The following SLC47A1 variants were observed in gnomAD, a reference collection of about 807,000 sequenced individuals.
The protein encoded by SLC47A1 is solute carrier family 47 member 1.
Under a neutral mutation model 65.8 loss-of-function variants are expected in SLC47A1, and 58 were observed. The observed-to-expected ratio is 0.88, with a 90% CI of 0.71 to 1.10. SLC47A1 has a LOEUF of 1.10. Among genes scored for constraint, SLC47A1 ranks in the 50% least tolerant of loss-of-function variants. SLC47A1 has a pLI of 0.00. For synonymous variants in SLC47A1, 285 were observed against 295.0 expected (o/e 0.97, Z 0.35); for missense variants, 706 against 719.2 (o/e 0.98, Z 0.21).
At chr17:19,555,945 A>G in intron 9 of SLC47A1, 36 bp downstream of exon 9, 1 of 1,613,926 alleles carries the variant, frequency 6.2e-7, no homozygotes, top group African/African-American at 1.3e-5. Context: ...ACTGGTGGGA[A>G]CCTGGGGGCC....
chr17:19,572,764 G>T lies in SLC47A1; in HGVS notation c.1405-16G>T. Reference sequence around the variant, plus strand: ...ACACTATTGTGAAGCCTGATGGACTGAGTTTCATTTTCCAGGCTCAGGTAC... The same window carrying T: ...ACACTATTGTGAAGCCTGATGGACTTAGTTTCATTTTCCAGGCTCAGGTAC... On this transcript the variant is annotated splice_polypyrimidine_tract_variant and intron_variant, in intron 15 of 16. Transcript: ENST00000270570. 1 of 1,612,860 alleles carries T rather than the reference G, an allele frequency of 6.2e-7. No individual in the cohort carries two copies. The highest frequency in any genetic ancestry group is 1.1e-5 in the South Asian group (1 of 91,070).
chr17:19,551,535 C>G, intron 6 of SLC47A1, 67 bp downstream of exon 6: 1 of 1,416,098 alleles, frequency 7.1e-7, no homozygotes, highest in Non-Finnish European at 1.0e-6. Flanking sequence ...GAATGGGGGC[C>G]CTGAAGATAC....
At chr17:19,553,326 C>T (rs1025085005) in intron 6 of SLC47A1, among the ~76,000 whole-genome samples, 1 of 152,120 alleles carries the variant, frequency 6.6e-6, no homozygotes. Context: ...CACCTCTTCT[C>T]GTTCTCCCAC....
intron 3 of SLC47A1, 86 bp from the exon 4 acceptor site, chr17:19,547,899 T>C: frequency 2.1e-6 from 3 of 1,444,870 alleles, no homozygotes; most frequent in Non-Finnish European, 2.8e-6. Context: ...ACCTGCTTCT[T>C]TGTGTGGCAC....
At chr17:19,560,109 A>G (rs1024679049) in intron 10 of SLC47A1, 79 bp from the exon 11 acceptor site, 2 of 995,694 alleles carry the variant, frequency 2.0e-6, no homozygotes, top group Admixed American at 2.5e-5. Context: ...ACCAGGTGTG[A>G]GGCATGAGGC....
chr17:19,540,597 A>G (rs1363207038), intron 1 of SLC47A1, among the ~76,000 whole-genome samples: 2 of 152,176 alleles, frequency 1.3e-5, no homozygotes, highest in African/African-American at 4.8e-5. Flanking sequence ...CTGGGCATCC[A>G]TTGGCTCTAG....
chr17:19,567,655 G>A lies in SLC47A1; in HGVS notation c.1309+427G>A, dbSNP rs919955070. On this transcript the variant is annotated intron_variant, in intron 14 of 16. Transcript: ENST00000270570. ...GTGACTCTGCAGGGCCAGGGCTATCGTAGGCGGTCCTGCGTGCGTGGGGTG... is the reference window on the plus strand; with the variant it reads ...GTGACTCTGCAGGGCCAGGGCTATCATAGGCGGTCCTGCGTGCGTGGGGTG... 5.0e-5 allele frequency: 10 copies of A among 202,014 alleles called. 1 individual carries two copies. In the South Asian group the frequency reaches 5.8e-4, roughly 12 times the overall value. 12.5% of individuals were successfully genotyped at this position (202,014 alleles called of 1,614,324 possible). A position where few individuals can be genotyped will look rare whatever the true frequency, so the allele number is the denominator to read the frequency against.
At chr17:19,548,177 G>T (rs553479659) in intron 4 of SLC47A1, 44 bp downstream of exon 4, 2 of 1,588,992 alleles carry the variant, frequency 1.3e-6, no homozygotes, top group Non-Finnish European at 1.7e-6. Context: ...TCCATCCCAC[G>T]GAAAGATTAT....
intron 6 of SLC47A1, among the ~76,000 whole-genome samples, chr17:19,555,010 T>A (rs1462291794): frequency 3.9e-5 from 6 of 152,050 alleles, no homozygotes; most frequent in Non-Finnish European, 8.8e-5. Context: ...CCGCACTTTA[T>A]ACCTCAAAGA....
intron 1 of SLC47A1, among the ~76,000 whole-genome samples, chr17:19,539,387 C>G (rs1916078236): frequency 6.6e-6 from 1 of 152,128 alleles, no homozygotes; most frequent in Non-Finnish European, 1.5e-5. Flanking sequence ...GTCTGGAGCA[C>G]TCTCAAAGTG....
At chr17:19,568,308 T>C (rs1597510871) in intron 14 of SLC47A1, among the ~76,000 whole-genome samples, 1 of 152,224 alleles carries the variant, frequency 6.6e-6, no homozygotes, top group African/African-American at 2.4e-5. Flanking sequence ...GCAAAGTTCA[T>C]TGGGCTTGCA....
intron 3 of SLC47A1, among the ~76,000 whole-genome samples, chr17:19,547,288 C>T (rs992766877): frequency 6.6e-6 from 1 of 151,786 alleles, no homozygotes; most frequent in Non-Finnish European, 1.5e-5. Context: ...AAGCAATCCT[C>T]CTACCTCAGC....
rs1382511986 is a variant in SLC47A1, at chr17:19,544,416, A to G, written c.237+1922A>G. Among the ~76,000 whole-genome samples, 4 of 152,212 alleles carry G rather than the reference A, an allele frequency of 2.6e-5. No homozygotes were observed. The East Asian group carries it at 7.7e-4, about 29-fold the overall frequency. On this transcript the variant is annotated intron_variant, in intron 2 of 16. Coordinates refer to ENST00000270570, the MANE Select transcript of SLC47A1 (RefSeq NM_018242.3). ...ACAGGATGTGGCCAAGGACTTATCA[A>G]AGTCAGTGCTTCCAGGCTGGGTGCA...
chr17:19,575,051 TTTTC>T (rs1329379697), intron 16 of SLC47A1, among the ~76,000 whole-genome samples: 1 of 151,294 alleles, frequency 6.6e-6, no homozygotes, highest in Non-Finnish European at 1.5e-5. Flanking sequence ...TTCAAAATGA[TTTTC>T]TTTTTCTCCC....
At chr17:19,560,756 G>C (rs1159809793) in intron 12 of SLC47A1, among the ~76,000 whole-genome samples, 1 of 151,762 alleles carries the variant, frequency 6.6e-6, no homozygotes, top group African/African-American at 2.4e-5. Context: ...GCAGACACCT[G>C]TAATCCCAGC....
At chr17:19,542,293 AC>A in intron 1 of SLC47A1, 99 bp from the exon 2 acceptor site, 1 of 648,786 alleles carries the variant, frequency 1.5e-6, no homozygotes, top group Non-Finnish European at 2.5e-6. Context: ...GTATTTCTTT[AC>A]TTCTGACTGG....
chr17:19,540,952 G>A (rs931451371), intron 1 of SLC47A1, among the ~76,000 whole-genome samples: 18 of 152,186 alleles, frequency 1.2e-4, no homozygotes, highest in African/African-American at 4.1e-4. Flanking sequence ...AGTCTCTCCC[G>A]GGATGTGGAT....
intron 15 of SLC47A1, among the ~76,000 whole-genome samples, chr17:19,572,273 T>C (rs1567578660): frequency 6.6e-6 from 1 of 152,152 alleles, no homozygotes. Context: ...TTCCCTTTCA[T>C]GGACCCCATT....
intron 2 of SLC47A1, among the ~76,000 whole-genome samples, chr17:19,542,916 T>C (rs1222879871): frequency 4.6e-5 from 7 of 151,192 alleles, no homozygotes; most frequent in African/African-American, 1.7e-4. Context: ...CTCAGACTCC[T>C]GAGTAGCTGG....
Sources: allele counts gnomAD v4.1 joint callset (sites outside exome capture counted in the v4.1 genomes callset), GRCh38; gene constraint gnomAD v4.1.1; transcripts MANE v1.5; gene names NCBI Gene and HGNC (gene_info 2026-07-23, HGNC 2026-07-21).